The following IQSEC1 variants were observed in gnomAD, a reference collection of about 807,000 sequenced individuals.
IQSEC1 encodes IQ motif and Sec7 domain ArfGEF 1.
IQSEC1 carries 31 observed loss-of-function variants against 91.0 expected under a neutral mutation model. The observed-to-expected ratio is 0.34, with a 90% CI of 0.26 to 0.46. IQSEC1 has a LOEUF of 0.46. Ranked by LOEUF, IQSEC1 falls within the 20% of genes least tolerant of loss-of-function variation. The pLI is 1.00. For synonymous variants in IQSEC1, 699 were observed against 662.6 expected (o/e 1.05, Z -0.84); for missense variants, 1,388 against 1,575.6 (o/e 0.88, Z 2.02).
chr3:13,180,412 A>C (rs1345443857), intron 1 of IQSEC1, among the ~76,000 whole-genome samples: 1 of 151,904 alleles, frequency 6.6e-6, no homozygotes, highest in African/African-American at 2.4e-5. Context: ...GACGTGGAGA[A>C]CCTTTATGTC....
intron 1 of IQSEC1, among the ~76,000 whole-genome samples, chr3:12,961,166 AG>A (rs1169675175): frequency 6.6e-6 from 1 of 152,224 alleles, no homozygotes; most frequent in Non-Finnish European, 1.5e-5. Context: ...AAGCAGCCCC[AG>A]GTACCACCAG....
At chr3:13,061,745 C>G (rs2125089695) in intron 1 of IQSEC1, among the ~76,000 whole-genome samples, 1 of 152,340 alleles carries the variant, frequency 6.6e-6, no homozygotes, top group East Asian at 1.9e-4. Flanking sequence ...CTGCCAGGCT[C>G]TCCTCTAACT....
At chr3:13,159,807 C>T (rs565213919) in intron 2 of IQSEC1, among the ~76,000 whole-genome samples, 2 of 152,284 alleles carry the variant, frequency 1.3e-5, no homozygotes, top group East Asian at 3.9e-4. Context: ...AAAGATAATG[C>T]TTGCACCCTG....
In IQSEC1 at chr3:13,193,989, C is replaced by T. The variant is rs769578983; in HGVS notation, c.273-29856G>A. The stretch of plus-strand genomic sequence containing the variant: ...TGGCAAGGGTGGTTTCTCTGGCAGC[C>T]TCTCTCCCTCCTTGGCTGGCCGACA... On this transcript the variant is annotated intron_variant, in intron 1 of 15. Coordinates refer to the IQSEC1 transcript ENST00000648114. The surrounding 1 kb of genome is among the most constrained non-coding windows in gnomAD (Gnocchi z 4.2). 1.3e-5 allele frequency among the ~76,000 whole-genome samples: 2 copies of T among 152,184 alleles called. No individual in the cohort carries two copies. Among genetic ancestry groups the T allele is most frequent in the Non-Finnish European group, 2.9e-5 (2 of 68,038 alleles).
In IQSEC1 at chr3:13,218,518, G is replaced by C. The variant is rs189030892; in HGVS notation, c.273-54385C>G. The stretch of plus-strand genomic sequence containing the variant: ...CGGGAGGTGTGGGAAGCCTGTGGCC[G>C]AGACAGCATAGTGGCTGCACTAACA... On this transcript the variant is annotated intron_variant, in intron 1 of 15. Coordinates refer to the IQSEC1 transcript ENST00000648114. Among the ~76,000 whole-genome samples the C allele has an allele frequency of 2.6e-3, 402 of 152,372 alleles. 4 individuals are homozygous for C. Among genetic ancestry groups the C allele is most frequent in the African/African-American group, 8.8e-3 (365 of 41,580 alleles).
chr3:12,902,639 A>C, intron 13 of IQSEC1, 134 bp downstream of exon 13: 1 of 665,928 alleles, frequency 1.5e-6, no homozygotes. Context: ...GGGGAAGGAA[A>C]AGCCAAAAAA....
intron 1 of IQSEC1, among the ~76,000 whole-genome samples, chr3:13,252,039 C>T (rs1695201936): frequency 1.3e-5 from 2 of 152,178 alleles, no homozygotes; most frequent in African/African-American, 2.4e-5. Context: ...TTGTGGTAAA[C>T]TACACACAAC....
intron 1 of IQSEC1, among the ~76,000 whole-genome samples, chr3:13,173,409 G>C: frequency 6.6e-6 from 1 of 152,346 alleles, no homozygotes; most frequent in Non-Finnish European, 1.5e-5. Context: ...TCCCCCGGGG[G>C]CCTTGCTCCC....
intron 1 of IQSEC1, among the ~76,000 whole-genome samples, chr3:12,981,088 C>G (rs1007376554): frequency 1.3e-5 from 2 of 152,148 alleles, no homozygotes; most frequent in African/African-American, 4.8e-5. Context: ...GATGGATGAA[C>G]GAGGCCCCAC....
chr3:13,187,468 C>A (rs1444275481), intron 1 of IQSEC1, among the ~76,000 whole-genome samples: 1 of 152,192 alleles, frequency 6.6e-6, no homozygotes, highest in Non-Finnish European at 1.5e-5. Flanking sequence ...TCATGGAATA[C>A]AAATTTTTGA....
intron 1 of IQSEC1, among the ~76,000 whole-genome samples, chr3:13,071,691 C>T (rs1365909898): frequency 1.3e-5 from 2 of 152,232 alleles, no homozygotes; most frequent in African/African-American, 4.8e-5. Flanking sequence ...GTGAGCATCA[C>T]AGCGAACCAG....
In IQSEC1 at chr3:12,983,499, G is replaced by A. The variant is rs965764601; in HGVS notation, c.24-41634C>T. Among the ~76,000 whole-genome samples, 1 of 152,204 alleles carries A rather than the reference G, an allele frequency of 6.6e-6. No homozygotes were observed. Among genetic ancestry groups the A allele is most frequent in the African/African-American group, 2.4e-5 (1 of 41,450 alleles). On this transcript the variant is annotated intron_variant, in intron 1 of 13. Coordinates refer to ENST00000613206, the MANE Select transcript of IQSEC1 (RefSeq NM_001134382.3). The surrounding 1 kb of genome is among the most constrained non-coding windows in gnomAD (Gnocchi z 4.3). ...CCACCCACCACCTGTCACCCTGCTG[G>A]AGAACTGCAGCCTGGCCTTCCTAGC...
chr3:13,042,615 GT>G (rs1704323297), intron 1 of IQSEC1, among the ~76,000 whole-genome samples: 1 of 152,232 alleles, frequency 6.6e-6, no homozygotes, highest in South Asian at 2.1e-4. Flanking sequence ...TGCTGTCTCT[GT>G]TAGCTGGTGC....
rs1369694077 is a variant in IQSEC1, at chr3:12,900,014, C to A, written c.*969G>T. The A allele has an allele frequency of 7.1e-6, 7 of 985,372 alleles. No individual in the cohort carries two copies. The highest frequency in any genetic ancestry group is 8.4e-6 in the Non-Finnish European group (7 of 829,926). The allele number at this position is 985,372 out of a possible 1,614,324, so 61.0% of individuals were successfully genotyped here. A position where few individuals can be genotyped will look rare whatever the true frequency, so the allele number is the denominator to read the frequency against. ...ACAGTTATCGCAGCCATTAAAGTGT[C>A]TAAGAATCCGTGTAACCAATGTCCT... On this transcript the variant is annotated 3_prime_UTR_variant, in exon 14 of 14. Coordinates refer to ENST00000613206, the MANE Select transcript of IQSEC1 (RefSeq NM_001134382.3).
chr3:12,973,962 C>T (rs1701030859), intron 1 of IQSEC1, among the ~76,000 whole-genome samples: 1 of 152,170 alleles, frequency 6.6e-6, no homozygotes, highest in Non-Finnish European at 1.5e-5. Context: ...TTTGAGGTGT[C>T]AGGAGGCTCT....
intron 1 of IQSEC1, among the ~76,000 whole-genome samples, chr3:13,246,620 C>T (rs1011236507): frequency 1.3e-4 from 20 of 152,198 alleles, no homozygotes; most frequent in East Asian, 3.8e-4. Context: ...TGGCGGCAGG[C>T]GGCAGACCCC....
chr3:12,994,390 CCGA>C lies in IQSEC1; in HGVS notation c.24-52528_24-52526del, dbSNP rs1702137234. Among the ~76,000 whole-genome samples, 3 of 151,958 alleles carry C rather than the reference CCGA, an allele frequency of 2.0e-5. No homozygotes were observed. The highest frequency in any genetic ancestry group is 7.2e-5 in the African/African-American group (3 of 41,426). On this transcript the variant is annotated intron_variant, in intron 1 of 13. Transcript: ENST00000613206. The surrounding 1 kb of genome is among the most constrained non-coding windows in gnomAD (Gnocchi z 4.5). ...GGGGAGGACGGTGCCGCCCCGGCCG[CCGA>C]CGTCACCCGAGCCTGGACGAGTGGA...
intron 1 of IQSEC1, among the ~76,000 whole-genome samples, chr3:13,014,552 G>A (rs1703029242): frequency 6.6e-6 from 1 of 152,192 alleles, no homozygotes; most frequent in African/African-American, 2.4e-5. Flanking sequence ...GCCACTGGTT[G>A]GGCTCCAGTC....
At chr3:13,051,517 G>T (rs1488009766) in intron 1 of IQSEC1, among the ~76,000 whole-genome samples, 1 of 152,198 alleles carries the variant, frequency 6.6e-6, no homozygotes, top group Non-Finnish European at 1.5e-5. Context: ...CTGAGGTCAG[G>T]TGCTGGTTAC....
Sources: gnomAD v4.1 joint callset for allele counts (sites outside exome capture counted in the v4.1 genomes callset) on GRCh38, gnomAD v4.1.1 for gene constraint, Gnocchi (gnomAD v3.1) non-coding constraint, MANE v1.5 for transcripts, NCBI Gene and HGNC (gene_info 2026-07-23, HGNC 2026-07-21) for gene names.